Variants in LRRC37A2 observed in about 807,000 individuals in gnomAD.
The protein encoded by LRRC37A2 is leucine-rich repeat-containing protein 37A2.
Under a neutral mutation model 68.8 loss-of-function variants are expected in LRRC37A2, and 9 were observed. The ratio of observed to expected loss-of-function variants is 0.13; its 90% CI spans 0.08 to 0.23. LRRC37A2 has a LOEUF of 0.23. LRRC37A2 is among the 10% of genes least tolerant of loss of function. The pLI is 1.00. For synonymous variants in LRRC37A2, 63 were observed against 367.6 expected (o/e 0.17, Z 9.48); for missense variants, 168 against 950.4 (o/e 0.18, Z 10.82).
the LRRC37A2 span, among the ~76,000 whole-genome samples, chr17:46,849,884 A>G: frequency 7.1e-5 from 10 of 140,048 alleles, no homozygotes; most frequent in East Asian, 6.8e-4. Flanking sequence ...GTCCCATTCT[A>G]TTGCCCAGGC....
At chr17:46,785,797 T>C in the LRRC37A2 span, among the ~76,000 whole-genome samples, 2 of 150,900 alleles carry the variant, frequency 1.3e-5, no homozygotes, top group Admixed American at 1.3e-4. Context: ...GCGGGCCCTG[T>C]GCTCCATCCC....
At chr17:46,519,744 G>A (rs1300146193) in intron 3 of LRRC37A2, among the ~76,000 whole-genome samples, 1 of 149,006 alleles carries the variant, frequency 6.7e-6, no homozygotes, top group Non-Finnish European at 1.5e-5. Context: ...CAACATTTAT[G>A]TTATGTGCAC....
At chr17:46,772,514 C>T in the LRRC37A2 span, among the ~76,000 whole-genome samples, 1 of 152,234 alleles carries the variant, frequency 6.6e-6, no homozygotes, top group Admixed American at 6.5e-5. Context: ...GACCAACACA[C>T]CGACAAGAAC....
the LRRC37A2 span, among the ~76,000 whole-genome samples, chr17:46,849,919 C>T: frequency 6.7e-6 from 1 of 149,462 alleles, no homozygotes; most frequent in African/African-American, 2.5e-5. Context: ...GTGATTTCGG[C>T]TCACTGCAAC....
At chr17:47,000,049 AAAAT>A in the LRRC37A2 span, among the ~76,000 whole-genome samples, 3 of 32,194 alleles carry the variant, frequency 9.3e-5, no homozygotes, top group African/African-American at 1.9e-4. Flanking sequence ...AAAATAAAAT[AAAAT>A]AAAATAAAAT....
chr17:46,867,687 C>T, the LRRC37A2 span, among the ~76,000 whole-genome samples: 1 of 152,146 alleles, frequency 6.6e-6, no homozygotes, highest in East Asian at 1.9e-4. Flanking sequence ...GCTTTAGCCA[C>T]AATTGTGGGT....
At chr17:46,961,029 T>G in the LRRC37A2 span, among the ~76,000 whole-genome samples, 3 of 150,978 alleles carry the variant, frequency 2.0e-5, no homozygotes, top group African/African-American at 7.3e-5. Flanking sequence ...TTGGGGAGAG[T>G]TTAAAAAAAA....
the LRRC37A2 span, chr17:46,932,603 G>T: frequency 1.5e-5 from 6 of 400,802 alleles, no homozygotes; most frequent in African/African-American, 1.2e-4. Flanking sequence ...CCGAGTATGT[G>T]TGTGGCTCCA....
chr17:47,007,236 G>A, the LRRC37A2 span, among the ~76,000 whole-genome samples: 1 of 152,286 alleles, frequency 6.6e-6, no homozygotes, highest in East Asian at 1.9e-4. Context: ...GGAGTGCGGT[G>A]TTGTGATCTT....
chr17:46,735,467 A>G, the LRRC37A2 span, among the ~76,000 whole-genome samples: 4 of 139,736 alleles, frequency 2.9e-5, no homozygotes, highest in South Asian at 6.8e-4. Context: ...CTTGAGGTTT[A>G]AAAAAAAAAA....
At chr17:46,883,648 G>A in the LRRC37A2 span, among the ~76,000 whole-genome samples, 1 of 152,206 alleles carries the variant, frequency 6.6e-6, no homozygotes, top group Non-Finnish European at 1.5e-5. Context: ...TACACAATAA[G>A]TAGCAGGGCT....
the LRRC37A2 span, among the ~76,000 whole-genome samples, chr17:46,741,463 A>C: frequency 3.9e-5 from 6 of 152,178 alleles, no homozygotes; most frequent in Non-Finnish European, 7.3e-5. Flanking sequence ...GGTTACAAAG[A>C]AGTAGACTAA....
At chr17:46,945,244 C>T in the LRRC37A2 span, among the ~76,000 whole-genome samples, 1 of 152,166 alleles carries the variant, frequency 6.6e-6, no homozygotes, top group Non-Finnish European at 1.5e-5. Flanking sequence ...TGCACGACAT[C>T]CTCCACGCAC....
chr17:47,031,089 C>T, the LRRC37A2 span, among the ~76,000 whole-genome samples: 1 of 150,740 alleles, frequency 6.6e-6, no homozygotes, highest in Non-Finnish European at 1.5e-5. Context: ...AGTTACAACC[C>T]AGTAAATCTC....
At chr17:47,014,585 C>T in the LRRC37A2 span, among the ~76,000 whole-genome samples, 2 of 151,528 alleles carry the variant, frequency 1.3e-5, no homozygotes, top group African/African-American at 4.9e-5. Flanking sequence ...ACCCTTGGCT[C>T]TGACCCCTTA....
chr17:46,902,226 G>T, the LRRC37A2 span, among the ~76,000 whole-genome samples: 1 of 152,262 alleles, frequency 6.6e-6, no homozygotes, highest in East Asian at 1.9e-4. Flanking sequence ...TGGGAAGTCC[G>T]GGTGGTGCAC....
chr17:46,789,137 C>T, the LRRC37A2 span, among the ~76,000 whole-genome samples: 1 of 152,190 alleles, frequency 6.6e-6, no homozygotes, highest in Non-Finnish European at 1.5e-5. Flanking sequence ...CCTGGTCTTG[C>T]AAGGACTCTT....
chr17:46,774,350 A>ACGCG, the LRRC37A2 span, among the ~76,000 whole-genome samples: 1 of 152,102 alleles, frequency 6.6e-6, no homozygotes, highest in Non-Finnish European at 1.5e-5. Context: ...CTCATGGGAC[A>ACGCG]CGCGCGCGCG....
At chr17:46,442,197 A>C in the LRRC37A2 span, among the ~76,000 whole-genome samples, 1 of 83,646 alleles carries the variant, frequency 1.2e-5, no homozygotes, top group East Asian at 2.3e-4. Flanking sequence ...TTTATCAAAG[A>C]ATTATTTTAC....
Sources: gnomAD v4.1 joint callset for allele counts (sites outside exome capture counted in the v4.1 genomes callset) on GRCh38, gnomAD v4.1.1 for gene constraint, MANE v1.5 for transcripts, NCBI Gene and HGNC (gene_info 2026-07-23, HGNC 2026-07-21) for gene names.